Variants in PRIM2 observed in about 807,000 individuals in gnomAD.
PRIM2 encodes DNA primase large subunit.
In PRIM2, 39 loss-of-function variants were observed where a neutral mutation model predicts 67.3. That is an observed-to-expected ratio of 0.58 (90% CI 0.45 to 0.76). PRIM2 has a LOEUF of 0.76. PRIM2 is among the 30% of genes least tolerant of loss of function. PRIM2 has a pLI of 0.00. For missense variants in PRIM2, 398 were observed against 598.7 expected (o/e 0.66, Z 3.50); for synonymous variants, 143 against 198.7 (o/e 0.72, Z 2.36).
At chr6:57,353,621 A>G (rs1768927913) in intron 5 of PRIM2, among the ~76,000 whole-genome samples, 1 of 152,190 alleles carries the variant, frequency 6.6e-6, no homozygotes, top group Non-Finnish European at 1.5e-5. Context: ...GGGAAAAGAG[A>G]TGATTTATTT....
At chr6:57,259,265 A>G in the PRIM2 span, among the ~76,000 whole-genome samples, 1 of 152,164 alleles carries the variant, frequency 6.6e-6, no homozygotes, top group African/African-American at 2.4e-5. Context: ...TCTTTGAGTC[A>G]TCTTGGGGGT....
At chr6:57,581,928 C>G (rs1257208235) in intron 10 of PRIM2, among the ~76,000 whole-genome samples, 9 of 152,172 alleles carry the variant, frequency 5.9e-5, no homozygotes, top group African/African-American at 9.7e-5. Flanking sequence ...ACTAGGCAAC[C>G]CAGGGTCTAA....
intron 13 of PRIM2, among the ~76,000 whole-genome samples, chr6:57,642,322 C>A (rs1341401815): frequency 2.0e-5 from 3 of 151,484 alleles, no homozygotes; most frequent in Non-Finnish European, 4.4e-5. Flanking sequence ...CATGTGTATG[C>A]CTATGTAACC....
chr6:57,258,404 G>A, the PRIM2 span, among the ~76,000 whole-genome samples: 2 of 152,008 alleles, frequency 1.3e-5, no homozygotes, highest in African/African-American at 4.8e-5. Flanking sequence ...AAGGCATAGT[G>A]TCTCTTTATT....
At chr6:57,311,747 T>C (rs767031542), upstream of PRIM2, among the ~76,000 whole-genome samples, 27 of 151,690 alleles carry the variant, frequency 1.8e-4, no homozygotes, top group East Asian at 2.3e-3. Context: ...ACATTGAGCA[T>C]TGAGTGAGCG....
At chr6:57,240,795 A>T in the PRIM2 span, among the ~76,000 whole-genome samples, 35 of 152,152 alleles carry the variant, frequency 2.3e-4, no homozygotes, top group Non-Finnish European at 4.1e-4. Context: ...TAAGCAAATA[A>T]CAAAAATATT....
chr6:57,323,414 A>G (rs1475539698), intron 3 of PRIM2, among the ~76,000 whole-genome samples: 2 of 152,134 alleles, frequency 1.3e-5, no homozygotes, highest in African/African-American at 2.4e-5. Flanking sequence ...TATAGGCTGG[A>G]TAAGAAGAAA....
intron 10 of PRIM2, among the ~76,000 whole-genome samples, chr6:57,590,371 A>G (rs1392544033): frequency 6.6e-6 from 1 of 152,226 alleles, no homozygotes; most frequent in Non-Finnish European, 1.5e-5. Flanking sequence ...GATTTTATTC[A>G]GGAAAAGCTG....
the PRIM2 span, among the ~76,000 whole-genome samples, chr6:57,255,323 C>A: frequency 1.3e-5 from 2 of 151,930 alleles, no homozygotes; most frequent in African/African-American, 4.8e-5. Context: ...ACAGTGAAAC[C>A]CTGTCTCTAC....
At chr6:57,555,342 T>C (rs1429218371) in intron 10 of PRIM2, among the ~76,000 whole-genome samples, 2 of 152,098 alleles carry the variant, frequency 1.3e-5, no homozygotes, top group Non-Finnish European at 2.9e-5. Context: ...CGCAGTGACA[T>C]GATCTTGGCT....
chr6:57,454,392 A>G (rs1481233854), intron 7 of PRIM2, among the ~76,000 whole-genome samples: 2 of 152,186 alleles, frequency 1.3e-5, no homozygotes, highest in African/African-American at 4.8e-5. Context: ...CTCTGGTAGA[A>G]TTCGGCTGTG....
chr6:57,633,065 G>A (rs1420132733), intron 13 of PRIM2, among the ~76,000 whole-genome samples: 3 of 152,210 alleles, frequency 2.0e-5, no homozygotes, highest in Non-Finnish European at 4.4e-5. Context: ...AAAAAGTGAA[G>A]CTGCCTGAGA....
chr6:57,630,211 T>G, intron 12 of PRIM2, among the ~76,000 whole-genome samples: 1 of 151,936 alleles, frequency 6.6e-6, no homozygotes, highest in Non-Finnish European at 1.5e-5. Context: ...TAAAGTTCTT[T>G]AAGCTATCCT....
the PRIM2 span, among the ~76,000 whole-genome samples, chr6:57,305,087 A>G: frequency 6.6e-6 from 1 of 152,172 alleles, no homozygotes; most frequent in Non-Finnish European, 1.5e-5. Context: ...TGAAATGTTA[A>G]TATTGTTTTC....
chr6:57,587,686 AAAAAAAAAG>A (rs1194762601), intron 10 of PRIM2, among the ~76,000 whole-genome samples: 37 of 149,872 alleles, frequency 2.5e-4, no homozygotes, highest in African/African-American at 8.4e-4. Context: ...AAAAAAAAAA[AAAAAAAAAG>A]GCAGAACACA....
Position 57,348,848 on chromosome 6 carries a change from A to G in PRIM2, c.459+22803A>G, listed in dbSNP as rs147969219. ...CTGCAACCTCTGCCTCCCGGGTTCAAGCTATTATCTGCCTCAGTCTCCCAA... is the reference window on the plus strand; with the variant it reads ...CTGCAACCTCTGCCTCCCGGGTTCAGGCTATTATCTGCCTCAGTCTCCCAA... On this transcript the variant is annotated intron_variant, in intron 5 of 13. Transcript: ENST00000615550. Among the ~76,000 whole-genome samples the G allele has an allele frequency of 1.3e-3, 195 of 150,122 alleles. 4 individuals carry two copies. The East Asian group carries it at 0.017, about 13-fold the overall frequency.
chr6:57,344,593 T>C (rs1768608066), intron 5 of PRIM2, among the ~76,000 whole-genome samples: 1 of 152,244 alleles, frequency 6.6e-6, no homozygotes, highest in African/African-American at 2.4e-5. Flanking sequence ...TTTGTTCTCA[T>C]AGTGGTTTTT....
At chr6:57,437,592 T>C (rs1198778991) in intron 7 of PRIM2, among the ~76,000 whole-genome samples, 1 of 151,922 alleles carries the variant, frequency 6.6e-6, no homozygotes, top group Non-Finnish European at 1.5e-5. Flanking sequence ...CAGTATAGAA[T>C]TTTATGAGAT....
chr6:57,245,127 C>A, the PRIM2 span, among the ~76,000 whole-genome samples: 1 of 152,154 alleles, frequency 6.6e-6, no homozygotes, highest in African/African-American at 2.4e-5. Context: ...CCCCACCAGT[C>A]TAGGCTTAGG....
Sources: gnomAD v4.1 joint callset for allele counts (sites outside exome capture counted in the v4.1 genomes callset) on GRCh38, gnomAD v4.1.1 for gene constraint, MANE v1.5 for transcripts, NCBI Gene and HGNC (gene_info 2026-07-23, HGNC 2026-07-21) for gene names.